CDH4: variants seen among roughly 807,000 people sequenced by gnomAD.
The protein encoded by CDH4 is cadherin 4.
A neutral mutation model predicts 86.0 loss-of-function variants in CDH4; 33 were observed. The observed-to-expected ratio is 0.38, with a 90% CI of 0.29 to 0.51. The LOEUF is 0.51. CDH4 is among the 20% of genes least tolerant of loss of function. The pLI is 0.86. For missense variants in CDH4, 1,114 were observed against 1,307.4 expected (o/e 0.85, Z 2.28); for synonymous variants, 555 against 549.4 (o/e 1.01, Z -0.14).
At chr20:61,452,224 G>T (rs2085384879) in intron 2 of CDH4, among the ~76,000 whole-genome samples, 1 of 152,200 alleles carries the variant, frequency 6.6e-6, no homozygotes, top group African/African-American at 2.4e-5. Flanking sequence ...AGACTTACAT[G>T]TTGAGTTCCA....
intron 2 of CDH4, among the ~76,000 whole-genome samples, chr20:61,470,105 T>C (rs557551409): frequency 6.6e-6 from 1 of 152,276 alleles, no homozygotes; most frequent in African/African-American, 2.4e-5. Flanking sequence ...AGAATGTCAT[T>C]GGTATTTTCA....
At chr20:61,343,152 G>C (rs943796254) in intron 2 of CDH4, among the ~76,000 whole-genome samples, 5 of 152,236 alleles carry the variant, frequency 3.3e-5, no homozygotes, top group African/African-American at 1.2e-4. Flanking sequence ...CATTCGTGCT[G>C]TGGCTGGTGA....
At chr20:61,296,013 G>A (rs1201616701) in intron 2 of CDH4, among the ~76,000 whole-genome samples, 1 of 152,172 alleles carries the variant, frequency 6.6e-6, no homozygotes, top group Non-Finnish European at 1.5e-5. Flanking sequence ...GTTTTCAGGA[G>A]GACGGAGAAG....
intron 2 of CDH4, among the ~76,000 whole-genome samples, chr20:61,372,075 T>C (rs1172889054): frequency 6.6e-6 from 1 of 152,180 alleles, no homozygotes; most frequent in Non-Finnish European, 1.5e-5. Flanking sequence ...TGCTCCACAT[T>C]TGTCACCCAG....
chr20:61,858,071 A>G (rs1461029178), intron 6 of CDH4, among the ~76,000 whole-genome samples: 47 of 75,872 alleles, frequency 6.2e-4, no homozygotes, highest in African/African-American at 1.0e-3. Flanking sequence ...GTGTCTGTAT[A>G]TGTCTCTGTG....
chr20:61,273,242 A>T (rs113893970), intron 2 of CDH4, among the ~76,000 whole-genome samples: 3 of 48,232 alleles, frequency 6.2e-5, no homozygotes, highest in East Asian at 7.2e-4. Context: ...GGGGGAGTAC[A>T]GTGTGCAGTT....
At position 61,754,650 on chromosome 20, in the gene CDH4, C is replaced by G. The variant is rs990939515; in HGVS notation, c.396+10861C>G. On this transcript the variant is annotated intron_variant, in intron 3 of 15. Transcript: ENST00000614565. This position sits in a 1 kb window ranked among gnomAD's most constrained non-coding sequence, Gnocchi z 4.7. ...ACACCACACACACACGCCCCACACA[C>G]CACACGCACACACGCCCCGCACACA... Among the ~76,000 whole-genome samples the G allele has an allele frequency of 1.3e-5, 2 of 150,332 alleles. No individual in the cohort carries two copies. The highest frequency in any genetic ancestry group is 4.9e-5 in the African/African-American group (2 of 40,612).
At chr20:61,404,291 A>C (rs2085067465) in intron 2 of CDH4, among the ~76,000 whole-genome samples, 1 of 151,954 alleles carries the variant, frequency 6.6e-6, no homozygotes, top group African/African-American at 2.4e-5. Context: ...AATTTCCAAA[A>C]ACCATGATGA....
intron 2 of CDH4, among the ~76,000 whole-genome samples, chr20:61,552,068 T>C (rs2086135060): frequency 6.6e-6 from 1 of 152,236 alleles, no homozygotes; most frequent in Admixed American, 6.5e-5. Flanking sequence ...GACCCTGGAT[T>C]AGGCAGTGAT....
At chr20:61,383,264 G>T (rs1411834247) in intron 2 of CDH4, among the ~76,000 whole-genome samples, 1 of 29,224 alleles carries the variant, frequency 3.4e-5, no homozygotes, top group Non-Finnish European at 7.7e-5. Flanking sequence ...GAATATATGT[G>T]ATATATATGA....
intron 2 of CDH4, among the ~76,000 whole-genome samples, chr20:61,742,272 CAG>C (rs2088350570): frequency 6.6e-6 from 1 of 152,106 alleles, no homozygotes; most frequent in South Asian, 2.1e-4. Context: ...TCTGTTGAAC[CAG>C]ACAGGGTGGA....
rs1364470067 is a variant in CDH4 at position 61,510,688 on chromosome 20, G to A, written c.170-232875G>A. Among the ~76,000 whole-genome samples, 1 of 152,134 alleles carries A rather than the reference G, an allele frequency of 6.6e-6. No individual in the cohort carries two copies. The highest frequency in any genetic ancestry group is 1.5e-5 in the Non-Finnish European group (1 of 68,028). ...TACTTGCTTGGGGGATTATGAGGCG[G>A]GAAGGTGTGCCCTCCATTATATAGA... On this transcript the variant is annotated intron_variant, in intron 2 of 15. Transcript: ENST00000614565. This position sits in a 1 kb window ranked among gnomAD's most constrained non-coding sequence, Gnocchi z 4.2.
At chr20:61,302,692 C>G (rs2084392707) in intron 2 of CDH4, among the ~76,000 whole-genome samples, 1 of 152,144 alleles carries the variant, frequency 6.6e-6, no homozygotes, top group Non-Finnish European at 1.5e-5. Context: ...TGTTTCGGTT[C>G]CCTGAGCATG....
intron 2 of CDH4, among the ~76,000 whole-genome samples, chr20:61,462,826 G>A (rs1256828838): frequency 6.6e-6 from 1 of 152,218 alleles, no homozygotes; most frequent in African/African-American, 2.4e-5. Flanking sequence ...CTGCCAGAAA[G>A]GAGGGAGGTG....
chr20:61,362,721 A>G (rs2084790789), intron 2 of CDH4, among the ~76,000 whole-genome samples: 1 of 151,924 alleles, frequency 6.6e-6, no homozygotes, highest in African/African-American at 2.4e-5. Context: ...CCCTGGCTGG[A>G]TGGGGTGGGG....
chr20:61,896,594 A>G (rs1985133715), intron 8 of CDH4, among the ~76,000 whole-genome samples: 1 of 152,244 alleles, frequency 6.6e-6, no homozygotes. Context: ...CCCGAGGAGC[A>G]TTTAACCGGG....
intron 4 of CDH4, among the ~76,000 whole-genome samples, chr20:61,800,002 G>A (rs1299061352): frequency 6.6e-6 from 1 of 152,122 alleles, no homozygotes; most frequent in Non-Finnish European, 1.5e-5. Flanking sequence ...GACCCGCTCG[G>A]CTGCAGCGGC....
intron 7 of CDH4, among the ~76,000 whole-genome samples, chr20:61,891,914 T>C (rs1984840572): frequency 6.6e-6 from 1 of 151,696 alleles, no homozygotes; most frequent in South Asian, 2.1e-4. Flanking sequence ...CTCAGGCCTG[T>C]CCAGGTGGCA....
Position 61,393,031 on chromosome 20 carries a change from A to T in CDH4, c.169+138094A>T, listed in dbSNP as rs6089433. 3.3e-5 allele frequency among the ~76,000 whole-genome samples: 5 copies of T among 151,882 alleles called. No individual in the cohort carries two copies. The highest frequency in any genetic ancestry group is 6.6e-5 in the Admixed American group (1 of 15,248). ...GGGATAGAAAACGTGAGGACAGAGC[A>T]GCTGCGGGGCCCCTCGGTGATCAGG... is the stretch of plus-strand genomic sequence containing the variant. On this transcript the variant is annotated intron_variant, in intron 2 of 15. Transcript: ENST00000614565. The surrounding 1 kb of genome is among the most constrained non-coding windows in gnomAD (Gnocchi z 4.3).
Sources: gnomAD v4.1 joint callset for allele counts (sites outside exome capture counted in the v4.1 genomes callset) on GRCh38, gnomAD v4.1.1 for gene constraint, Gnocchi (gnomAD v3.1) non-coding constraint, MANE v1.5 for transcripts, NCBI Gene and HGNC (gene_info 2026-07-23, HGNC 2026-07-21) for gene names.